RGS6: variants seen among roughly 807,000 people sequenced by gnomAD.
The protein encoded by RGS6 is regulator of G-protein signaling 6.
RGS6 carries 30 observed loss-of-function variants against 78.5 expected under a neutral mutation model. The observed-to-expected ratio is 0.38, with a 90% confidence interval of 0.29 to 0.52. The LOEUF (loss-of-function observed/expected upper bound fraction) is 0.52. Among genes scored for constraint, RGS6 ranks in the 20% least tolerant of loss-of-function variants. RGS6 has a pLI of 0.85. For missense variants in RGS6, 495 were observed against 609.7 expected, an observed-to-expected ratio of 0.81 and a Z score of 1.98; for synonymous variants, 206 against 206.0, an observed-to-expected ratio of 1.00 and a Z score of 0.00.
chr14:72,148,871 A>G (rs547331403), intron 2 of RGS6, among the ~76,000 whole-genome samples: 7 of 152,344 alleles, frequency 4.6e-5, no homozygotes, highest in African/African-American at 1.7e-4. Context: ...TGGATTTTTA[A>G]AAGGTCAAGA....
At chr14:72,433,544 G>A (rs771008150) in intron 3 of RGS6, among the ~76,000 whole-genome samples, 2 of 151,900 alleles carry the variant, frequency 1.3e-5, no homozygotes, top group Non-Finnish European at 2.9e-5. Flanking sequence ...GTCAAGAAAA[G>A]CCTAACTAAA....
chr14:71,980,350 C>T (rs960390436), intron 2 of RGS6, among the ~76,000 whole-genome samples: 4 of 148,820 alleles, frequency 2.7e-5, no homozygotes, highest in African/African-American at 1.0e-4. Flanking sequence ...CAGTTTCTTC[C>T]TAGTCTCGAT....
intron 8 of RGS6, among the ~76,000 whole-genome samples, chr14:72,472,099 C>T (rs2096092836): frequency 6.6e-6 from 1 of 150,698 alleles, no homozygotes; most frequent in African/African-American, 2.4e-5. Flanking sequence ...GAGCCGAGAC[C>T]TAGGAGTTAC....
intron 2 of RGS6, among the ~76,000 whole-genome samples, chr14:72,174,386 C>T (rs1033069787): frequency 6.6e-6 from 1 of 152,206 alleles, no homozygotes; most frequent in African/African-American, 2.4e-5. Flanking sequence ...TTATGAGCCA[C>T]TGCGCCCGGT....
intron 3 of RGS6, among the ~76,000 whole-genome samples, chr14:72,433,444 T>G (rs2094747784): frequency 6.6e-6 from 1 of 151,882 alleles, no homozygotes; most frequent in South Asian, 2.1e-4. Context: ...GGCACACATT[T>G]ACCTAAGTAA....
chr14:72,310,986 CAG>C (rs1222612162), intron 2 of RGS6, among the ~76,000 whole-genome samples: 4 of 152,222 alleles, frequency 2.6e-5, no homozygotes, highest in African/African-American at 9.6e-5. Context: ...AATAAGAAAA[CAG>C]GGTCCTGCTG....
intron 15 of RGS6, among the ~76,000 whole-genome samples, chr14:72,523,080 G>T (rs1233545639): frequency 2.6e-5 from 4 of 152,234 alleles, no homozygotes; most frequent in African/African-American, 9.6e-5. Context: ...CCCCAGCAAA[G>T]TAGGTGCAGT....
the RGS6 span, among the ~76,000 whole-genome samples, chr14:72,583,074 C>A: frequency 2.0e-5 from 3 of 152,190 alleles, no homozygotes; most frequent in Non-Finnish European, 2.9e-5. Flanking sequence ...CTCTTCTCCT[C>A]CTTTGGACAT....
At chr14:71,955,728 T>G (rs1451679985) in intron 1 of RGS6, among the ~76,000 whole-genome samples, 1 of 152,158 alleles carries the variant, frequency 6.6e-6, no homozygotes, top group Admixed American at 6.5e-5. Flanking sequence ...ACCCTGTTTA[T>G]CAGCAAGGTC....
chr14:72,113,451 C>T (rs548691344), intron 2 of RGS6, among the ~76,000 whole-genome samples: 4 of 152,266 alleles, frequency 2.6e-5, no homozygotes, highest in African/African-American at 9.6e-5. Context: ...TAAGTGAGGG[C>T]CAGGGGACTC....
chr14:72,117,392 C>G (rs1447711816), intron 2 of RGS6, among the ~76,000 whole-genome samples: 1 of 152,116 alleles, frequency 6.6e-6, no homozygotes, highest in Non-Finnish European at 1.5e-5. Context: ...CTCCCGTTCT[C>G]TCTCTTGCTC....
At chr14:72,375,592 G>T (rs922618325) in intron 3 of RGS6, among the ~76,000 whole-genome samples, 1 of 152,114 alleles carries the variant, frequency 6.6e-6, no homozygotes, top group African/African-American at 2.4e-5. Flanking sequence ...ACAGCCCTGT[G>T]GTCCCAACCC....
chr14:72,180,703 G>A (rs1442524495), intron 2 of RGS6, among the ~76,000 whole-genome samples: 3 of 152,254 alleles, frequency 2.0e-5, no homozygotes, highest in African/African-American at 7.2e-5. Context: ...TGCCTTTGCA[G>A]TAGTGTTGAG....
chr14:72,042,340 G>A (rs542293462), intron 2 of RGS6, among the ~76,000 whole-genome samples: 34 of 152,006 alleles, frequency 2.2e-4, no homozygotes, highest in African/African-American at 8.2e-4. Flanking sequence ...TGTTGGCCAG[G>A]CTGGTCTCAA....
intron 2 of RGS6, among the ~76,000 whole-genome samples, chr14:72,055,953 C>CATTT (rs1243503108): frequency 6.6e-6 from 1 of 152,142 alleles, no homozygotes; most frequent in African/African-American, 2.4e-5. Context: ...TTGTGCTTGA[C>CATTT]ATTTATTTTT....
chr14:72,064,156 A>G (rs7140795), intron 2 of RGS6, among the ~76,000 whole-genome samples: 107,170 of 151,742 alleles, frequency 0.71, 37,968 homozygotes, highest in East Asian at 0.82. Flanking sequence ...AATTTTTGGG[A>G]GTGCCAAAGG....
intron 8 of RGS6, among the ~76,000 whole-genome samples, chr14:72,471,272 G>C (rs1211872069): frequency 6.6e-6 from 1 of 152,134 alleles, no homozygotes; most frequent in Non-Finnish European, 1.5e-5. Flanking sequence ...GGAAACATGA[G>C]GAATGGGTAC....
At chr14:72,154,368 G>A (rs1413016373) in intron 2 of RGS6, among the ~76,000 whole-genome samples, 3 of 152,190 alleles carry the variant, frequency 2.0e-5, no homozygotes, top group African/African-American at 4.8e-5. Flanking sequence ...AGCTTATGAA[G>A]ATAACGGTAT....
At chr14:71,891,573 A>C in the RGS6 span, among the ~76,000 whole-genome samples, 66 of 152,332 alleles carry the variant, frequency 4.3e-4, no homozygotes, top group Non-Finnish European at 7.4e-4. Flanking sequence ...CAGAAGTCAC[A>C]TGGATGGTGT....
Sources: allele counts gnomAD v4.1 joint callset (sites outside exome capture counted in the v4.1 genomes callset), GRCh38; gene constraint gnomAD v4.1.1; transcripts MANE v1.5; gene names NCBI Gene and HGNC (gene_info 2026-07-23, HGNC 2026-07-21).